RAB38: variants seen among roughly 807,000 people sequenced by gnomAD.
RAB38 encodes the protein ras-related protein Rab-38.
RAB38 carries 15 observed loss-of-function variants against 18.4 expected under a neutral mutation model. That is an observed-to-expected ratio of 0.82 (90% CI 0.55 to 1.26). The LOEUF (loss-of-function observed/expected upper bound fraction) is 1.26, where lower values mean the gene tolerates loss of function less well. RAB38 is among the 50% of genes most tolerant of loss of function. The pLI, the probability that RAB38 is intolerant of heterozygous loss-of-function variation, is 0.00. For synonymous variants in RAB38, 101 were observed against 104.4 expected, an observed-to-expected ratio of 0.97 and a Z score of 0.20; for missense variants, 294 against 267.4, an observed-to-expected ratio of 1.10 and a Z score of -0.69.
At chr11:88,087,761 A>C in the RAB38 span, among the ~76,000 whole-genome samples, 9 of 151,898 alleles carry the variant, frequency 5.9e-5, no homozygotes, top group Non-Finnish European at 1.0e-4. Flanking sequence ...CATGGTGCTA[A>C]TGGGAGCGTC....
chr11:88,041,802 A>G, the RAB38 span, among the ~76,000 whole-genome samples: 1 of 152,206 alleles, frequency 6.6e-6, no homozygotes, highest in African/African-American at 2.4e-5. Flanking sequence ...TGAGACTTGC[A>G]TACCACTGCT....
At chr11:87,934,244 C>T in the RAB38 span, among the ~76,000 whole-genome samples, 1 of 152,028 alleles carries the variant, frequency 6.6e-6, no homozygotes, top group African/African-American at 2.4e-5. Flanking sequence ...AAGGTAAATC[C>T]ATGAAATAGG....
At chr11:88,166,798 T>G (rs1309997015) in intron 1 of RAB38, 1 of 152,134 alleles carries the variant, frequency 6.6e-6, no homozygotes, top group Non-Finnish European at 1.5e-5. Context: ...GTGGTTGCCA[T>G]ATTTCTCAAT....
At chr11:87,973,055 C>G in the RAB38 span, among the ~76,000 whole-genome samples, 2 of 151,966 alleles carry the variant, frequency 1.3e-5, no homozygotes, top group South Asian at 2.1e-4. Context: ...CCTGAGGCCT[C>G]CCCAGCCATG....
At chr11:88,071,254 A>ACACG in the RAB38 span, among the ~76,000 whole-genome samples, 1 of 151,668 alleles carries the variant, frequency 6.6e-6, no homozygotes, top group African/African-American at 2.4e-5. Flanking sequence ...ACACACACAC[A>ACACG]CACACACACA....
chr11:88,024,460 T>C, the RAB38 span, among the ~76,000 whole-genome samples: 4 of 152,208 alleles, frequency 2.6e-5, no homozygotes, highest in East Asian at 1.9e-4. Flanking sequence ...ACAACCACTA[T>C]GAAGAACACT....
chr11:87,870,498 C>A, the RAB38 span, among the ~76,000 whole-genome samples: 2 of 151,396 alleles, frequency 1.3e-5, no homozygotes, highest in East Asian at 2.0e-4. Context: ...ACACATTTCT[C>A]ATCAGGGGTC....
At chr11:87,893,390 A>ATATATTTTTTTTTT in the RAB38 span, among the ~76,000 whole-genome samples, 6 of 93,916 alleles carry the variant, frequency 6.4e-5, no homozygotes, top group Admixed American at 8.8e-4. Context: ...ATATATATAT[A>ATATATTTTTTTTTT]TTTTTTTTTT....
the RAB38 span, among the ~76,000 whole-genome samples, chr11:87,909,103 T>G: frequency 6.6e-6 from 1 of 152,010 alleles, no homozygotes; most frequent in African/African-American, 2.4e-5. Context: ...ATATGCCTCT[T>G]AAGAATCATT....
chr11:87,954,504 A>G, the RAB38 span, among the ~76,000 whole-genome samples: 5 of 151,550 alleles, frequency 3.3e-5, no homozygotes, highest in African/African-American at 4.9e-5. Flanking sequence ...TCAAGTCTCA[A>G]TACCTACTGA....
chr11:88,017,364 TACACACAC>T, the RAB38 span, among the ~76,000 whole-genome samples: 1 of 150,438 alleles, frequency 6.6e-6, no homozygotes, highest in Non-Finnish European at 1.5e-5. Flanking sequence ...TATAGACACA[TACACACAC>T]ACACACACAA....
At chr11:87,881,873 C>T in the RAB38 span, among the ~76,000 whole-genome samples, 2 of 151,852 alleles carry the variant, frequency 1.3e-5, no homozygotes, top group African/African-American at 4.8e-5. Context: ...AGTGTCCATG[C>T]CAAGACCACT....
the RAB38 span, among the ~76,000 whole-genome samples, chr11:88,101,641 T>C: frequency 6.6e-6 from 1 of 151,842 alleles, no homozygotes; most frequent in African/African-American, 2.4e-5. Context: ...TTATTTAATA[T>C]GCATATTTTA....
At chr11:88,120,241 A>G (rs1942612464) in intron 2 of RAB38, among the ~76,000 whole-genome samples, 1 of 152,214 alleles carries the variant, frequency 6.6e-6, no homozygotes, top group African/African-American at 2.4e-5. Context: ...ACAGATGACA[A>G]AAGTGAAGTC....
At chr11:88,057,524 A>C in the RAB38 span, among the ~76,000 whole-genome samples, 1 of 152,128 alleles carries the variant, frequency 6.6e-6, no homozygotes, top group Non-Finnish European at 1.5e-5. Context: ...TCAATTAGCT[A>C]ATCGAAATAA....
the RAB38 span, among the ~76,000 whole-genome samples, chr11:88,087,342 C>T: frequency 6.6e-6 from 1 of 151,880 alleles, no homozygotes; most frequent in African/African-American, 2.4e-5. Context: ...TAAAGGAATA[C>T]CTTAGACTGG....
the RAB38 span, among the ~76,000 whole-genome samples, chr11:88,100,986 T>A: frequency 5.9e-5 from 9 of 151,992 alleles, no homozygotes; most frequent in African/African-American, 2.2e-4. Flanking sequence ...AAGAGGAGAC[T>A]AAAATATAAG....
the RAB38 span, among the ~76,000 whole-genome samples, chr11:87,923,127 A>G: frequency 6.6e-6 from 1 of 151,884 alleles, no homozygotes; most frequent in Non-Finnish European, 1.5e-5. Context: ...AGGTAAGTAT[A>G]TTTTTCAAAG....
At chr11:88,071,279 A>G in the RAB38 span, among the ~76,000 whole-genome samples, 61 of 145,768 alleles carry the variant, frequency 4.2e-4, no homozygotes, top group African/African-American at 1.5e-3. Context: ...CACGTGTGCA[A>G]GCAGAGATAT....
Sources: gnomAD v4.1 joint callset for allele counts (sites outside exome capture counted in the v4.1 genomes callset) on GRCh38, gnomAD v4.1.1 for gene constraint, MANE v1.5 for transcripts, NCBI Gene and HGNC (gene_info 2026-07-23, HGNC 2026-07-21) for gene names.